MAPKAPK3: variants seen among roughly 807,000 people sequenced by gnomAD.
The protein encoded by MAPKAPK3 is MAPK activated protein kinase 3.
MAPKAPK3 carries 35 observed loss-of-function variants against 49.2 expected under a neutral mutation model. The ratio of observed to expected loss-of-function variants is 0.71; its 90% CI spans 0.54 to 0.94. The LOEUF (loss-of-function observed/expected upper bound fraction) is 0.94, where lower values mean the gene tolerates loss of function less well. MAPKAPK3 is among the 40% of genes least tolerant of loss of function. MAPKAPK3 has a pLI of 0.00. For synonymous variants in MAPKAPK3, 178 were observed against 188.7 expected, an observed-to-expected ratio of 0.94 and a Z score of 0.46; for missense variants, 398 against 493.1, an observed-to-expected ratio of 0.81 and a Z score of 1.83.
intron 1 of MAPKAPK3, 48 bp from the exon 2 acceptor site, chr3:50,617,466 G>A (rs2032497092): frequency 4.6e-6 from 3 of 649,394 alleles, no homozygotes; most frequent in Non-Finnish European, 8.0e-6. Flanking sequence ...CAAGGCTGGG[G>A]TGTGTTGGAA....
intron 2 of MAPKAPK3, among the ~76,000 whole-genome samples, chr3:50,625,640 G>A (rs948336194): frequency 6.6e-6 from 1 of 152,168 alleles, no homozygotes; most frequent in Non-Finnish European, 1.5e-5. Flanking sequence ...CTAGGGCTTT[G>A]TCTTTGCTGC....
At chr3:50,644,343 T>C (rs542736672) in intron 5 of MAPKAPK3, 66 bp from the exon 6 acceptor site, 1 of 1,585,608 alleles carries the variant, frequency 6.3e-7, no homozygotes, top group African/African-American at 1.3e-5. Flanking sequence ...TGGCTGAAGA[T>C]CACCTTGGGG....
At chr3:50,645,608 C>A in intron 6 of MAPKAPK3, 102 bp from the exon 7 acceptor site, 8 of 862,484 alleles carry the variant, frequency 9.3e-6, no homozygotes, top group Non-Finnish European at 1.5e-5. Context: ...GCCCTACCTC[C>A]CAGCCCAGGT....
chr3:50,611,805 G>A (rs2032337234), upstream of MAPKAPK3: 9 of 1,008,076 alleles, frequency 8.9e-6, no homozygotes, highest in East Asian at 1.3e-4. Flanking sequence ...GCCTGCGAGG[G>A]CGAGGGGGGC....
At chr3:50,646,009 G>T in intron 7 of MAPKAPK3, 131 bp from the exon 8 acceptor site, 1 of 1,243,060 alleles carries the variant, frequency 8.0e-7, no homozygotes. Context: ...ATGTGCCTGG[G>T]AGTCCGGAGG....
chr3:50,612,577 G>A (rs1364298681), upstream of MAPKAPK3: 1 of 152,026 alleles, frequency 6.6e-6, no homozygotes, highest in Non-Finnish European at 1.5e-5. Context: ...CCAACTTTTC[G>A]AATCAGGCAG....
At chr3:50,621,447 A>C (rs2032606459) in intron 2 of MAPKAPK3, among the ~76,000 whole-genome samples, 1 of 151,890 alleles carries the variant, frequency 6.6e-6, no homozygotes, top group African/African-American at 2.4e-5. Context: ...AAAATACAAA[A>C]ATTTGCTGGA....
intron 2 of MAPKAPK3, among the ~76,000 whole-genome samples, chr3:50,625,178 C>T (rs2032708193): frequency 6.6e-6 from 1 of 152,174 alleles, no homozygotes; most frequent in African/African-American, 2.4e-5. Context: ...GATCCAGTCT[C>T]GGTGACTGTT....
chr3:50,645,914 G>C, intron 7 of MAPKAPK3, 129 bp downstream of exon 7: 1 of 1,011,652 alleles, frequency 9.9e-7, no homozygotes, highest in South Asian at 1.4e-5. Flanking sequence ...CCTCATGCAG[G>C]CTGCCCTTCC....
chr3:50,642,311 C>T lies in MAPKAPK3; in HGVS notation c.483C>T (p.Asn161=), dbSNP rs201931706. 3.1e-5 allele frequency: 50 copies of T among 1,608,944 alleles called. No homozygotes were observed. Among genetic ancestry groups the T allele is most frequent in the Non-Finnish European group, 3.8e-5 (45 of 1,178,374 alleles). The stretch of plus-strand genomic sequence containing the variant: ...CCATCCAGTTTCTGCACAGCCATAA[C>T]ATTGCCCACCGAGATGTCAAGGTGA... ...GTAIQFLHSH[N]IAHRDVKPEN... Residue 161 remains asparagine (N), a synonymous_variant, in exon 5 of 11, where the codon AAC becomes AAT. Coordinates refer to ENST00000621469, the MANE Select transcript of MAPKAPK3 (RefSeq NM_001243925.2).
chr3:50,642,329 C>T lies in MAPKAPK3; in HGVS notation c.501C>T (p.Val167=), dbSNP rs192866693. The change falls in exon 5 of 11, where the codon GTC becomes GTT. Residue 167 remains valine, a synonymous_variant. Transcript: ENST00000621469. ...GCCATAACATTGCCCACCGAGATGT[C>T]AAGGTGAGGCTCCAGGATTCAGGTT... The part of the protein sequence containing the change: ...LHSHNIAHRD[V]KPENLLYTSK... 21 of 1,611,624 alleles carry T rather than the reference C, an allele frequency of 1.3e-5. No homozygotes were observed. In the Admixed American group the frequency reaches 1.7e-4, roughly 13 times the overall value.
upstream of MAPKAPK3, chr3:50,611,523 C>A: frequency 1.3e-6 from 2 of 1,503,118 alleles, no homozygotes; most frequent in South Asian, 2.5e-5. Flanking sequence ...TGCGCTCAGT[C>A]ACCTCTGGCC....
At chr3:50,634,948 G>C (rs2032999152) in intron 2 of MAPKAPK3, among the ~76,000 whole-genome samples, 1 of 152,148 alleles carries the variant, frequency 6.6e-6, no homozygotes, top group Non-Finnish European at 1.5e-5. Flanking sequence ...TACTATGGTA[G>C]GTACTTTGCA....
chr3:50,626,179 G>T (rs2032736482), intron 2 of MAPKAPK3, among the ~76,000 whole-genome samples: 1 of 151,952 alleles, frequency 6.6e-6, no homozygotes, highest in South Asian at 2.1e-4. Context: ...TGGGACAATT[G>T]TGTGGGACTA....
chr3:50,617,338 G>A, intron 1 of MAPKAPK3, 97 bp downstream of exon 1: 2 of 449,646 alleles, frequency 4.4e-6, no homozygotes, highest in Non-Finnish European at 8.0e-6. Context: ...CCCGGGCGGT[G>A]CTCGCTTGTA....
intron 2 of MAPKAPK3, among the ~76,000 whole-genome samples, chr3:50,626,077 G>A (rs1256815568): frequency 4.1e-5 from 2 of 48,310 alleles, no homozygotes; most frequent in African/African-American, 5.4e-5. Flanking sequence ...GAGGTCCCCC[G>A]CCACCCCCCC....
At chr3:50,639,650 C>A (rs1252314971) in intron 2 of MAPKAPK3, among the ~76,000 whole-genome samples, 1 of 152,058 alleles carries the variant, frequency 6.6e-6, no homozygotes, top group Non-Finnish European at 1.5e-5. Flanking sequence ...GCCTTGTCTC[C>A]CTCCACTCTG....
chr3:50,612,087 T>G, exon 1 of MAPKAPK3: 8 of 176,742 alleles, frequency 4.5e-5, no homozygotes, highest in East Asian at 2.8e-4. Context: ...GGAGGGCCAA[T>G]AGCAGCGCGT....
chr3:50,647,957 C>G lies in MAPKAPK3; in HGVS notation c.1060C>G (p.Leu354Val), dbSNP rs1443688749. ...CTACGACCAGGTGAAGATCAAGGAC[C>G]TGAAGACCTCTAACAACCGGCTCCT... ...VDYDQVKIKD[L>V]KTSNNRLLNK... The change falls in exon 11 of 11, where the codon CTG becomes GTG. Residue 354 changes from leucine to valine, a missense_variant. Leu to Val is a conservative substitution (Grantham distance 32). Around this residue, in one of 5 missense-constraint regions of MAPKAPK3, gnomAD observed 152 missense variants for 177.3 expected, o/e 0.86. Transcript: ENST00000621469. 5.6e-6 allele frequency: 9 copies of G among 1,613,858 alleles called. No individual in the cohort carries two copies. The highest frequency in any genetic ancestry group is 1.3e-5 in the African/African-American group (1 of 74,910).
Sources: allele counts gnomAD v4.1 joint callset (sites outside exome capture counted in the v4.1 genomes callset), GRCh38; gene constraint gnomAD v4.1.1; regional missense constraint gnomAD v4.1.1; transcripts MANE v1.5; gene names NCBI Gene and HGNC (gene_info 2026-07-23, HGNC 2026-07-21).